CACNA2D1: variants seen among roughly 807,000 people sequenced by gnomAD.
The protein encoded by CACNA2D1 is voltage-dependent calcium channel subunit alpha-2/delta-1.
Under a neutral mutation model 171.5 loss-of-function variants are expected in CACNA2D1, and 53 were observed. That is an observed-to-expected ratio of 0.31 (90% CI 0.25 to 0.39). CACNA2D1 has a LOEUF of 0.39. CACNA2D1 is among the 10% of genes least tolerant of loss of function. The pLI, the probability that CACNA2D1 is intolerant of heterozygous loss-of-function variation, is 1.00. For missense variants in CACNA2D1, 903 were observed against 1,299.8 expected (o/e 0.69, Z 4.69); for synonymous variants, 442 against 443.1 (o/e 1.00, Z 0.03).
At chr7:81,963,489 A>C (rs1299407155) in intron 34 of CACNA2D1, among the ~76,000 whole-genome samples, 1 of 151,922 alleles carries the variant, frequency 6.6e-6, no homozygotes, top group African/African-American at 2.4e-5. Flanking sequence ...TGACCATTTA[A>C]ATGTCTTATT....
chr7:82,137,604 G>A (rs2129080146), intron 4 of CACNA2D1, among the ~76,000 whole-genome samples: 1 of 151,544 alleles, frequency 6.6e-6, no homozygotes, highest in East Asian at 1.9e-4. Flanking sequence ...TGACGCGGTG[G>A]CTCACGCCTG....
At chr7:82,060,364 T>G in intron 10 of CACNA2D1, 64 bp downstream of exon 10, 1 of 1,066,434 alleles carries the variant, frequency 9.4e-7, no homozygotes, top group South Asian at 1.3e-5. Flanking sequence ...ATAAAGTACC[T>G]AAAGTCAGGA....
intron 1 of CACNA2D1, among the ~76,000 whole-genome samples, chr7:82,408,628 C>A (rs1444569631): frequency 6.6e-6 from 1 of 152,124 alleles, no homozygotes; most frequent in African/African-American, 2.4e-5. Context: ...AACTTTCTCT[C>A]TTTTTTCAAT....
At chr7:82,063,578 GGGAAAAACATGAGCATTTCTTCTCTTGA>G (rs1807229307) in intron 9 of CACNA2D1, among the ~76,000 whole-genome samples, 1 of 150,174 alleles carries the variant, frequency 6.7e-6, no homozygotes, top group South Asian at 2.1e-4. Context: ...TTTTTCCTCA[GGGAAAAACATGAGCATTTCTTCTCTTGA>G]GGAAAAACAT....
chr7:82,371,231 A>ATGAT (rs1278987406), intron 1 of CACNA2D1, among the ~76,000 whole-genome samples: 4 of 152,172 alleles, frequency 2.6e-5, no homozygotes, highest in Non-Finnish European at 2.9e-5. Flanking sequence ...ACTAATTAAC[A>ATGAT]TGATTTAGAG....
intron 3 of CACNA2D1, among the ~76,000 whole-genome samples, chr7:82,231,971 C>A (rs567511894): frequency 6.6e-6 from 1 of 152,060 alleles, no homozygotes; most frequent in South Asian, 2.1e-4. Context: ...TTATGTAATA[C>A]CCTACCCACA....
chr7:81,975,038 T>A (rs28496726), intron 24 of CACNA2D1, among the ~76,000 whole-genome samples: 2,429 of 150,996 alleles, frequency 0.016, 72 homozygotes, highest in African/African-American at 0.056. Flanking sequence ...AAAAAAAAAA[T>A]TGCCTGGAGT....
At chr7:82,399,443 A>T (rs1826107157) in intron 1 of CACNA2D1, among the ~76,000 whole-genome samples, 1 of 152,044 alleles carries the variant, frequency 6.6e-6, no homozygotes, top group Non-Finnish European at 1.5e-5. Flanking sequence ...CCATCTCAAA[A>T]AAAAAAACAA....
chr7:82,111,692 G>A (rs1019464716), intron 6 of CACNA2D1, among the ~76,000 whole-genome samples: 13 of 151,444 alleles, frequency 8.6e-5, no homozygotes, highest in South Asian at 2.1e-4. Flanking sequence ...CAATCGATCC[G>A]CCCACTTTGG....
chr7:81,994,844 G>T (rs745341333), intron 20 of CACNA2D1, 24 bp downstream of exon 20: 3 of 1,158,754 alleles, frequency 2.6e-6, no homozygotes, highest in Non-Finnish European at 3.9e-6. Flanking sequence ...TTTTATTTAA[G>T]AATAAGCTAG....
intron 1 of CACNA2D1, among the ~76,000 whole-genome samples, chr7:82,410,695 T>G (rs1294159383): frequency 1.3e-5 from 2 of 152,194 alleles, no homozygotes; most frequent in Admixed American, 6.5e-5. Flanking sequence ...GCTCTAAAAA[T>G]AAAGCGACAA....
rs190452304 is a variant in CACNA2D1, at chr7:82,265,219, A to G, written c.294+69916T>C. On this transcript the variant is annotated intron_variant, in intron 3 of 38. Transcript: ENST00000356860. ...CCTAAAAACATCTTTTAATTGCATC[A>G]GGTCTCTCAATCCACAGTTGAGCAT... Among the ~76,000 whole-genome samples the G allele has an allele frequency of 4.4e-3, 672 of 152,288 alleles. 4 individuals carry two copies. The highest frequency in any genetic ancestry group is 0.01 in the Middle Eastern group (3 of 294).
At chr7:82,136,342 T>A (rs1791602181) in intron 5 of CACNA2D1, among the ~76,000 whole-genome samples, 1 of 152,060 alleles carries the variant, frequency 6.6e-6, no homozygotes, top group African/African-American at 2.4e-5. Context: ...CTATTTTCAA[T>A]ATTGCTAATG....
chr7:82,159,086 G>A (rs1026775545), intron 4 of CACNA2D1, among the ~76,000 whole-genome samples: 2 of 151,834 alleles, frequency 1.3e-5, no homozygotes, highest in Non-Finnish European at 2.9e-5. Context: ...CAGGTATCTA[G>A]GGGATAATCA....
intron 3 of CACNA2D1, among the ~76,000 whole-genome samples, chr7:82,195,223 A>G (rs1400736379): frequency 6.6e-6 from 1 of 152,028 alleles, no homozygotes; most frequent in Non-Finnish European, 1.5e-5. Flanking sequence ...CATAAGGGAA[A>G]TAGATGAGAC....
chr7:82,033,427 A>C (rs900689935), intron 11 of CACNA2D1, among the ~76,000 whole-genome samples: 1 of 152,088 alleles, frequency 6.6e-6, no homozygotes, highest in African/African-American at 2.4e-5. Context: ...TTTTATGCAC[A>C]TATGATTTTA....
chr7:82,108,856 A>G (rs1467425779), intron 6 of CACNA2D1, among the ~76,000 whole-genome samples: 2 of 152,188 alleles, frequency 1.3e-5, no homozygotes, highest in Non-Finnish European at 1.5e-5. Flanking sequence ...TATATTCTCT[A>G]ACTCAGGCTT....
intron 12 of CACNA2D1, among the ~76,000 whole-genome samples, chr7:82,025,160 T>A (rs1474678261): frequency 6.6e-6 from 1 of 151,626 alleles, no homozygotes; most frequent in Non-Finnish European, 1.5e-5. Context: ...ATTTTAGAAT[T>A]TTTTTCTATT....
At chr7:82,254,468 ATT>A (rs972196180) in intron 3 of CACNA2D1, among the ~76,000 whole-genome samples, 4 of 151,660 alleles carry the variant, frequency 2.6e-5, no homozygotes, top group African/African-American at 9.7e-5. Context: ...ATATATATAT[ATT>A]ATGTAATGAT....
Sources: gnomAD v4.1 joint callset for allele counts (sites outside exome capture counted in the v4.1 genomes callset) on GRCh38, gnomAD v4.1.1 for gene constraint, MANE v1.5 for transcripts, NCBI Gene and HGNC (gene_info 2026-07-23, HGNC 2026-07-21) for gene names.